PRH1: variants seen among roughly 807,000 people sequenced by gnomAD.
The protein encoded by PRH1 is proline rich protein HaeIII subfamily 1.
A neutral mutation model predicts 7.9 loss-of-function variants in PRH1; 7 were observed. That is an observed-to-expected ratio of 0.89 (90% CI 0.50 to 1.67). PRH1 has a LOEUF of 1.67. Ranked by LOEUF, PRH1 falls within the 40% of genes most tolerant of loss-of-function variation. The pLI is 0.00. For missense variants in PRH1, 109 were observed against 223.6 expected, an observed-to-expected ratio of 0.49 and a Z score of 3.27; for synonymous variants, 45 against 80.8, an observed-to-expected ratio of 0.56 and a Z score of 2.38.
At chr12:10,948,242 G>C (rs1459093014) in intron 2 of PRH1, among the ~76,000 whole-genome samples, 1 of 152,038 alleles carries the variant, frequency 6.6e-6, no homozygotes, top group Non-Finnish European at 1.5e-5. Context: ...TTGCTTTCTG[G>C]CTCTCCCTTT....
At chr12:11,099,807 A>G (rs879259012) in intron 1 of PRH1, among the ~76,000 whole-genome samples, 3 of 152,154 alleles carry the variant, frequency 2.0e-5, no homozygotes, top group Admixed American at 6.5e-5. Context: ...TGATAAAAGA[A>G]CTCTGCTAAA....
At chr12:11,134,055 G>C (rs573387298) in intron 1 of PRH1, 2 of 1,586,704 alleles carry the variant, frequency 1.3e-6, no homozygotes, top group Middle Eastern at 1.7e-4. Context: ...TACCAATGTA[G>C]TAATAACACC....
At chr12:10,921,656 T>C (rs1224429744) in intron 2 of PRH1, among the ~76,000 whole-genome samples, 1 of 152,214 alleles carries the variant, frequency 6.6e-6, no homozygotes, top group African/African-American at 2.4e-5. Context: ...CTACTTTGAT[T>C]TTGGTTGACA....
chr12:10,905,423 T>C (rs1565461825), intron 2 of PRH1, among the ~76,000 whole-genome samples: 1 of 152,004 alleles, frequency 6.6e-6, no homozygotes. Flanking sequence ...TCCCAGCACT[T>C]TGGGAGGTCA....
chr12:11,001,892 AAAAT>A (rs1453571093), intron 1 of PRH1, among the ~76,000 whole-genome samples: 1 of 152,158 alleles, frequency 6.6e-6, no homozygotes, highest in African/African-American at 2.4e-5. Context: ...GAAAGGTTAA[AAAAT>A]AAATAAAATA....
upstream of PRH1, among the ~76,000 whole-genome samples, chr12:11,050,766 T>C (rs569342266): frequency 3.3e-5 from 5 of 152,406 alleles, no homozygotes; most frequent in East Asian, 1.9e-4. Flanking sequence ...AATTCACTCA[T>C]GTAATTTGCT....
chr12:11,056,457 C>G (rs80170052), intron 1 of PRH1, among the ~76,000 whole-genome samples: 1 of 152,148 alleles, frequency 6.6e-6, no homozygotes, highest in East Asian at 1.9e-4. Flanking sequence ...GGACAGGAAA[C>G]CAGATTCCCT....
chr12:10,986,803 C>T lies in PRH1; in HGVS notation c.-125-13082G>A, dbSNP rs752808248. 40 of 1,565,350 alleles carry T rather than the reference C, an allele frequency of 2.6e-5. No individual in the cohort carries two copies. In the East Asian group the frequency reaches 5.2e-4, roughly 20 times the overall value. On this transcript the variant is annotated intron_variant, in intron 1 of 3. Transcript: ENST00000539853. ...GCTATGAAGCCATTGGCAAAGTTTC[C>T]GAGAACAAATAAAACCATTATTAGA...
At chr12:10,998,632 G>C (rs1940423496) in intron 1 of PRH1, among the ~76,000 whole-genome samples, 1 of 152,038 alleles carries the variant, frequency 6.6e-6, no homozygotes, top group African/African-American at 2.4e-5. Flanking sequence ...GCTCGTCCTG[G>C]TGGAATTAGT....
At chr12:11,022,249 A>T in intron 1 of PRH1, 1 of 1,613,504 alleles carries the variant, frequency 6.2e-7, no homozygotes, top group South Asian at 1.1e-5. Flanking sequence ...GGCAATCTTG[A>T]GCAAACAAAA....
intron 2 of PRH1, among the ~76,000 whole-genome samples, chr12:10,962,201 A>G (rs1468426844): frequency 1.3e-5 from 2 of 152,216 alleles, no homozygotes; most frequent in African/African-American, 2.4e-5. Context: ...GGCAATTAAA[A>G]TGTTCATTTA....
intron 1 of PRH1, among the ~76,000 whole-genome samples, chr12:11,045,584 A>G (rs1942874439): frequency 6.6e-6 from 1 of 152,148 alleles, no homozygotes; most frequent in South Asian, 2.1e-4. Context: ...AATACATTTT[A>G]AAAAAAGAAA....
In PRH1 at chr12:11,138,281, A is replaced by T. The variant is rs1946610919; in HGVS notation, n.40-17101T>A. On this transcript the variant is annotated intron_variant and non_coding_transcript_variant, in intron 1 of 1. Coordinates refer to the PRH1 transcript ENST00000541175. ...CTTTTTCACATTCTTAGCTATGGTG[A>T]CTAAATCTGTTATCTTACTATAGCA... Among the ~76,000 whole-genome samples the T allele has an allele frequency of 5.9e-5, 9 of 152,286 alleles. No individual in the cohort carries two copies. In the South Asian group the frequency reaches 1.9e-3, roughly 32 times the overall value.
intron 1 of PRH1, among the ~76,000 whole-genome samples, chr12:11,164,683 T>G (rs1164561473): frequency 6.6e-6 from 1 of 152,130 alleles, no homozygotes; most frequent in African/African-American, 2.4e-5. Flanking sequence ...TGATTAAACT[T>G]CTTCTAACTC....
chr12:11,037,494 TATGAGTATAA>T (rs1942484278), intron 1 of PRH1, among the ~76,000 whole-genome samples: 1 of 152,234 alleles, frequency 6.6e-6, no homozygotes, highest in African/African-American at 2.4e-5. Context: ...ATGCTAAAAA[TATGAGTATAA>T]ATATTTCATT....
chr12:11,151,036 A>C (rs1358477009), intron 1 of PRH1, among the ~76,000 whole-genome samples: 1 of 151,972 alleles, frequency 6.6e-6, no homozygotes, highest in Non-Finnish European at 1.5e-5. Flanking sequence ...TCATTCTGAT[A>C]CTCTGCCTCT....
At chr12:11,026,881 A>C (rs567565293) in intron 1 of PRH1, among the ~76,000 whole-genome samples, 6 of 152,264 alleles carry the variant, frequency 3.9e-5, no homozygotes, top group Non-Finnish European at 7.3e-5. Flanking sequence ...TTGTATCATA[A>C]TAATAACACT....
intron 2 of PRH1, among the ~76,000 whole-genome samples, chr12:10,931,452 C>G (rs149577929): frequency 5.1e-4 from 78 of 152,302 alleles, no homozygotes; most frequent in Middle Eastern, 3.4e-3. Context: ...CTCACACTAG[C>G]ATTTCAAGTC....
chr12:11,098,409 C>T (rs1365176489), intron 1 of PRH1, among the ~76,000 whole-genome samples: 1 of 152,064 alleles, frequency 6.6e-6, no homozygotes, highest in East Asian at 2.0e-4. Context: ...CATTCATTCA[C>T]TGTTTGTTCT....
Sources: allele counts gnomAD v4.1 joint callset (sites outside exome capture counted in the v4.1 genomes callset), GRCh38; gene constraint gnomAD v4.1.1; transcripts MANE v1.5; gene names NCBI Gene and HGNC (gene_info 2026-07-23, HGNC 2026-07-21).